The following IMMP2L variants were observed in gnomAD, a reference collection of about 807,000 sequenced individuals.
IMMP2L encodes the protein mitochondrial inner membrane protease subunit 2.
A neutral mutation model predicts 19.3 loss-of-function variants in IMMP2L; 18 were observed. That is an observed-to-expected ratio of 0.93 (90% CI 0.64 to 1.38). The LOEUF (loss-of-function observed/expected upper bound fraction) is 1.38, where lower values mean the gene tolerates loss of function less well. Among genes scored for constraint, IMMP2L ranks in the 40% most tolerant of loss-of-function variants. The pLI is 0.00. For synonymous variants in IMMP2L, 76 were observed against 73.0 expected (o/e 1.04, Z -0.21); for missense variants, 233 against 218.2 (o/e 1.07, Z -0.43).
chr7:111,249,962 A>G (rs1815893980), intron 3 of IMMP2L, among the ~76,000 whole-genome samples: 1 of 152,196 alleles, frequency 6.6e-6, no homozygotes, highest in South Asian at 2.1e-4. Flanking sequence ...GAAGAAGTCA[A>G]ATTATCTTTG....
At chr7:111,087,265 T>C (rs1796425318) in intron 3 of IMMP2L, among the ~76,000 whole-genome samples, 1 of 152,032 alleles carries the variant, frequency 6.6e-6, no homozygotes, top group African/African-American at 2.4e-5. Context: ...ATGGATAACA[T>C]GGTGAAACCC....
At chr7:110,744,873 A>C (rs902604776) in intron 5 of IMMP2L, among the ~76,000 whole-genome samples, 2 of 152,214 alleles carry the variant, frequency 1.3e-5, no homozygotes, top group Non-Finnish European at 1.5e-5. Flanking sequence ...CTCGCCAGCA[A>C]GGGAACAAAA....
intron 2 of IMMP2L, among the ~76,000 whole-genome samples, chr7:111,491,774 C>T (rs899817926): frequency 1.4e-4 from 22 of 152,122 alleles, no homozygotes; most frequent in Non-Finnish European, 2.6e-4. Flanking sequence ...GTCCTCTTCC[C>T]TAATTTATTT....
chr7:110,702,556 G>A (rs981280375), intron 5 of IMMP2L, among the ~76,000 whole-genome samples: 1 of 151,840 alleles, frequency 6.6e-6, no homozygotes, highest in African/African-American at 2.4e-5. Context: ...CCAAGAACAC[G>A]GTATATTTTC....
intron 5 of IMMP2L, among the ~76,000 whole-genome samples, chr7:110,856,225 T>A (rs1318395505): frequency 1.3e-5 from 2 of 151,962 alleles, no homozygotes; most frequent in Non-Finnish European, 2.9e-5. Context: ...TAAAGTAAGG[T>A]TGAAAGGGAC....
intron 3 of IMMP2L, among the ~76,000 whole-genome samples, chr7:111,078,753 T>C (rs1031747363): frequency 6.6e-6 from 1 of 151,984 alleles, no homozygotes. Flanking sequence ...TTATTTAAGA[T>C]GGAATCTTGC....
At chr7:111,136,016 T>C (rs1461229304) in intron 3 of IMMP2L, among the ~76,000 whole-genome samples, 1 of 151,030 alleles carries the variant, frequency 6.6e-6, no homozygotes, top group African/African-American at 2.5e-5. Context: ...GTCAGTTGCT[T>C]ATATGTCACC....
chr7:110,877,062 A>C lies in IMMP2L; in HGVS notation c.408+9531T>G, dbSNP rs77499654. On this transcript the variant is annotated intron_variant, in intron 5 of 5. Coordinates refer to ENST00000405709, the MANE Select transcript of IMMP2L (RefSeq NM_032549.4). The surrounding 1 kb of genome is among the most constrained non-coding windows in gnomAD (Gnocchi z 4.0). ...ATATAAGTCTCTCTTGCAAGTACTT[A>C]ACTCAGCCGTTACAGAGGGAAAGCA... 0.011 allele frequency among the ~76,000 whole-genome samples: 1,615 copies of C among 152,296 alleles called. 10 individuals carry two copies. The highest frequency in any genetic ancestry group is 0.018 in the Non-Finnish European group (1,252 of 68,012).
chr7:111,039,087 A>G (rs1262089410), intron 3 of IMMP2L, among the ~76,000 whole-genome samples: 1 of 152,038 alleles, frequency 6.6e-6, no homozygotes, highest in East Asian at 1.9e-4. Context: ...CACAATGTAT[A>G]GAATAGAATG....
intron 4 of IMMP2L, among the ~76,000 whole-genome samples, chr7:110,957,015 CTAAGTA>C (rs1212776716): frequency 1.3e-5 from 2 of 151,752 alleles, no homozygotes; most frequent in African/African-American, 2.4e-5. Context: ...ACTAATGGGT[CTAAGTA>C]TTAGTAGAAT....
At chr7:110,846,277 A>T (rs1805651881) in intron 5 of IMMP2L, among the ~76,000 whole-genome samples, 1 of 151,738 alleles carries the variant, frequency 6.6e-6, no homozygotes, top group Non-Finnish European at 1.5e-5. Flanking sequence ...ACTTCCAAGA[A>T]CACCAAGTTT....
intron 3 of IMMP2L, among the ~76,000 whole-genome samples, chr7:111,311,302 A>G (rs575980679): frequency 5.9e-5 from 9 of 152,052 alleles, no homozygotes; most frequent in Admixed American, 1.3e-4. Context: ...AGAGAAGGGA[A>G]AGAAAGAAGG....
intron 5 of IMMP2L, among the ~76,000 whole-genome samples, chr7:110,846,522 C>T (rs568324998): frequency 2.0e-5 from 3 of 151,810 alleles, no homozygotes; most frequent in East Asian, 1.9e-4. Flanking sequence ...CCTGCCACCA[C>T]GCCTGGCTAA....
intron 3 of IMMP2L, among the ~76,000 whole-genome samples, chr7:111,419,689 A>C (rs1264746210): frequency 6.6e-6 from 1 of 151,794 alleles, no homozygotes; most frequent in East Asian, 1.9e-4. Context: ...AAAATGCATG[A>C]AACCAAACTG....
At chr7:111,309,906 T>C (rs968049811) in intron 3 of IMMP2L, among the ~76,000 whole-genome samples, 2 of 152,154 alleles carry the variant, frequency 1.3e-5, no homozygotes, top group African/African-American at 4.8e-5. Context: ...ATTTAGTTTA[T>C]TTCCTTTACA....
chr7:110,929,253 T>C (rs1815210646), intron 4 of IMMP2L, among the ~76,000 whole-genome samples: 1 of 152,160 alleles, frequency 6.6e-6, no homozygotes, highest in South Asian at 2.1e-4. Flanking sequence ...CATAATTAGT[T>C]TCTTGTATCT....
chr7:111,007,591 G>A (rs1824434757), intron 3 of IMMP2L, among the ~76,000 whole-genome samples: 1 of 151,782 alleles, frequency 6.6e-6, no homozygotes, highest in Non-Finnish European at 1.5e-5. Context: ...TTTTTTTCAT[G>A]TACACTCACT....
chr7:110,872,975 A>AG (rs1422691584), intron 5 of IMMP2L, among the ~76,000 whole-genome samples: 2 of 152,194 alleles, frequency 1.3e-5, no homozygotes, highest in Non-Finnish European at 2.9e-5. Flanking sequence ...CCACCTTCAA[A>AG]GCACTATTCA....
At chr7:110,929,652 A>C (rs1190827924) in intron 4 of IMMP2L, among the ~76,000 whole-genome samples, 1 of 152,164 alleles carries the variant, frequency 6.6e-6, no homozygotes, top group Non-Finnish European at 1.5e-5. Context: ...TTTGAACCTA[A>C]CTTTGCATAA....
Sources: allele counts gnomAD v4.1 joint callset (sites outside exome capture counted in the v4.1 genomes callset), GRCh38; gene constraint gnomAD v4.1.1; non-coding constraint Gnocchi (gnomAD v3.1); transcripts MANE v1.5; gene names NCBI Gene and HGNC (gene_info 2026-07-23, HGNC 2026-07-21).